IGF1R: variants seen among roughly 807,000 people sequenced by gnomAD.
The protein encoded by IGF1R is insulin-like growth factor 1 receptor.
A neutral mutation model predicts 144.6 loss-of-function variants in IGF1R; 44 were observed. The observed-to-expected ratio is 0.30, with a 90% CI of 0.24 to 0.39. IGF1R has a LOEUF of 0.39. Among genes scored for constraint, IGF1R ranks in the 10% least tolerant of loss-of-function variants. The pLI is 1.00. For missense variants in IGF1R, 1,355 were observed against 1,833.7 expected, an observed-to-expected ratio of 0.74 and a Z score of 4.77; for synonymous variants, 795 against 722.8, an observed-to-expected ratio of 1.10 and a Z score of -1.60.
intron 5 of IGF1R, among the ~76,000 whole-genome samples, chr15:98,900,279 G>T (rs1354751469): frequency 6.6e-6 from 1 of 152,196 alleles, no homozygotes; most frequent in Admixed American, 6.5e-5. Context: ...GTCAGCCTGT[G>T]TGTACCTTTG....
intron 2 of IGF1R, among the ~76,000 whole-genome samples, chr15:98,737,846 G>A (rs1225660995): frequency 6.6e-6 from 1 of 152,064 alleles, no homozygotes; most frequent in Admixed American, 6.5e-5. Flanking sequence ...TCTTGCTCAG[G>A]GTCTCCAGTC....
At chr15:98,878,872 T>C (rs773085447) in intron 2 of IGF1R, among the ~76,000 whole-genome samples, 3 of 151,826 alleles carry the variant, frequency 2.0e-5, no homozygotes, top group Non-Finnish European at 1.5e-5. Flanking sequence ...GGTGGGCGCC[T>C]ATAATCCCAG....
chr15:98,921,228 T>G lies in IGF1R; in HGVS notation c.2202-920T>G, dbSNP rs190114602. On this transcript the variant is annotated intron_variant, in intron 10 of 20. Coordinates refer to ENST00000650285, the MANE Select transcript of IGF1R (RefSeq NM_000875.5). ...GGTGCTCCTCTCGTATTCTGTTTGT[T>G]TTTGTTGGTTCCTGTAAACATTAGA... Among the ~76,000 whole-genome samples, 380 of 152,286 alleles carry G rather than the reference T, an allele frequency of 2.5e-3. 1 individual carries two copies. The highest frequency in any genetic ancestry group is 4.4e-3 in the Non-Finnish European group (302 of 68,020).
chr15:98,935,784 T>C lies in IGF1R; in HGVS notation c.3297+358T>C, dbSNP rs12593106. Among the ~76,000 whole-genome samples, 150,978 of 152,044 alleles carry C rather than the reference T, an allele frequency of 0.99. 74,975 individuals carry two copies. Among genetic ancestry groups the C allele is most frequent in the Middle Eastern group, 1 (294 of 294 alleles). The stretch of plus-strand genomic sequence containing the variant: ...TCCTGCCCCACTCCAGTAGCTATCT[T>C]CTCTGCTAACTTCTCGATGCGCTTG... On this transcript the variant is annotated intron_variant, in intron 17 of 20. Coordinates refer to ENST00000650285, the MANE Select transcript of IGF1R (RefSeq NM_000875.5). This position sits in a 1 kb window ranked among gnomAD's most constrained non-coding sequence, Gnocchi z 4.2.
intron 2 of IGF1R, among the ~76,000 whole-genome samples, chr15:98,758,712 A>C (rs2055219976): frequency 6.6e-6 from 1 of 152,174 alleles, no homozygotes; most frequent in African/African-American, 2.4e-5. Flanking sequence ...GAGATTTGGG[A>C]GATCCTGAGG....
chr15:98,834,425 T>C (rs73481819), intron 2 of IGF1R, among the ~76,000 whole-genome samples: 3,257 of 152,362 alleles, frequency 0.021, 123 homozygotes, highest in African/African-American at 0.074. Flanking sequence ...TTCCGTCACG[T>C]GAGTTATCTC....
In IGF1R at chr15:98,934,978, G is replaced by A; in HGVS notation, c.3111G>A (p.Glu1037=). Reference sequence around the variant, plus strand: ...GAGTGGCCATTAAAACAGTGAACGAGGCCGCAAGCATGCGTGAGAGGATTG... The same window carrying A: ...GAGTGGCCATTAAAACAGTGAACGAAGCCGCAAGCATGCGTGAGAGGATTG... ...ETRVAIKTVN[E]AASMRERIEF... is the part of the protein sequence containing the mutation. The change falls in exon 16 of 21, where the codon GAG becomes GAA. Residue 1037 remains glutamate, a synonymous_variant. Transcript: ENST00000650285. 1 of 1,614,174 alleles carries A rather than the reference G, an allele frequency of 6.2e-7. No homozygotes were observed. Among genetic ancestry groups the A allele is most frequent in the South Asian group, 1.1e-5 (1 of 91,086 alleles).
chr15:98,840,805 A>C (rs1482730849), intron 2 of IGF1R, among the ~76,000 whole-genome samples: 1 of 151,492 alleles, frequency 6.6e-6, no homozygotes, highest in African/African-American at 2.4e-5. Context: ...CCTCCCGAGT[A>C]GACTAGCTGG....
chr15:98,944,263 G>A (rs942546807), intron 19 of IGF1R, among the ~76,000 whole-genome samples: 1 of 152,180 alleles, frequency 6.6e-6, no homozygotes, highest in Non-Finnish European at 1.5e-5. Flanking sequence ...TATCTCTCGG[G>A]CAAATTTTAC....
intron 1 of IGF1R, among the ~76,000 whole-genome samples, chr15:98,658,641 T>G (rs1487818804): frequency 2.6e-5 from 4 of 152,232 alleles, no homozygotes; most frequent in Non-Finnish European, 5.9e-5. Flanking sequence ...TTTCTGTGGT[T>G]TGAATAGGTC....
chr15:98,787,245 G>C (rs763595788), intron 2 of IGF1R, among the ~76,000 whole-genome samples: 27 of 152,166 alleles, frequency 1.8e-4, no homozygotes, highest in Non-Finnish European at 2.5e-4. Flanking sequence ...CTGGCCTGCA[G>C]AGCAGAATAA....
chr15:98,705,314 TA>T (rs1567085585), intron 1 of IGF1R, among the ~76,000 whole-genome samples: 3 of 152,090 alleles, frequency 2.0e-5, no homozygotes, highest in African/African-American at 7.2e-5. Context: ...TTCGGTGTCA[TA>T]ATGGGGACAG....
chr15:98,847,595 A>G (rs2011382441), intron 2 of IGF1R, among the ~76,000 whole-genome samples: 1 of 152,202 alleles, frequency 6.6e-6, no homozygotes, highest in Non-Finnish European at 1.5e-5. Context: ...ATGCTCGTTT[A>G]TAACCATGGA....
At chr15:98,814,535 T>TG (rs1396203947) in intron 2 of IGF1R, among the ~76,000 whole-genome samples, 1 of 152,208 alleles carries the variant, frequency 6.6e-6, no homozygotes, top group African/African-American at 2.4e-5. Flanking sequence ...TTTGTAGAGA[T>TG]GGGGGTCTCA....
chr15:98,802,912 C>T (rs2056391477), intron 2 of IGF1R, among the ~76,000 whole-genome samples: 1 of 152,116 alleles, frequency 6.6e-6, no homozygotes, highest in Admixed American at 6.5e-5. Context: ...ATGTAATGTT[C>T]TACTGGTAAT....
chr15:98,947,066 G>A (rs2016582256), intron 19 of IGF1R, among the ~76,000 whole-genome samples: 1 of 152,200 alleles, frequency 6.6e-6, no homozygotes. Flanking sequence ...GTTGTGGAAG[G>A]CAGAGCTTCC....
At chr15:98,930,156 T>C (rs1383588615) in intron 14 of IGF1R, 79 bp from the exon 15 acceptor site, 1 of 954,420 alleles carries the variant, frequency 1.0e-6, no homozygotes, top group African/African-American at 1.6e-5. Context: ...TAAATGAAAC[T>C]GTTGTAGCGA....
rs200740840 is a variant in IGF1R, at chr15:98,929,643, C to T, written c.2868C>T (p.Tyr956=). The T allele has an allele frequency of 2.9e-5, 46 of 1,612,972 alleles. 1 individual carries two copies. Among genetic ancestry groups the T allele is most frequent in the East Asian group, 2.7e-4 (12 of 44,884 alleles). Residue 956 remains tyrosine, a synonymous_variant, in exon 14 of 21, where the codon TAC becomes TAT. Coordinates refer to ENST00000650285, the MANE Select transcript of IGF1R (RefSeq NM_000875.5). ...TGGGAGGGTTGGTGATTATGCTGTA[C>T]GTCTTCCATAGAAAGAGGTCAGTGA... is the stretch of plus-strand genomic sequence containing the variant. ...LIVGGLVIML[Y]VFHRKRNNSR...
In IGF1R at chr15:98,783,585, C is replaced by A. The variant is rs544514737; in HGVS notation, c.640+75478C>A. ...ATTTATTTAGTTTTTCTTTGATTTACTTCATTAGCATTTTGTAGTTTTTGT... is the reference window on the plus strand; with the variant it reads ...ATTTATTTAGTTTTTCTTTGATTTAATTCATTAGCATTTTGTAGTTTTTGT... On this transcript the variant is annotated intron_variant, in intron 2 of 20. Transcript: ENST00000650285. Among the ~76,000 whole-genome samples the A allele has an allele frequency of 1.7e-3, 256 of 152,244 alleles. 2 individuals are homozygous for A. The highest frequency in any genetic ancestry group is 5.8e-3 in the African/African-American group (240 of 41,548).
Sources: gnomAD v4.1 joint callset for allele counts (sites outside exome capture counted in the v4.1 genomes callset) on GRCh38, gnomAD v4.1.1 for gene constraint, Gnocchi (gnomAD v3.1) non-coding constraint, MANE v1.5 for transcripts, NCBI Gene and HGNC (gene_info 2026-07-23, HGNC 2026-07-21) for gene names.